Variants in ERC1 observed in about 807,000 individuals in gnomAD.
ERC1 encodes the protein RAB6 interacting protein 2.
A neutral mutation model predicts 132.0 loss-of-function variants in ERC1; 56 were observed. The ratio of observed to expected loss-of-function variants is 0.42; its 90% confidence interval spans 0.34 to 0.53. ERC1 has a LOEUF of 0.53. Among genes scored for constraint, ERC1 ranks in the 20% least tolerant of loss-of-function variants. The pLI is 0.03. For missense variants in ERC1, 1,202 were observed against 1,349.9 expected (o/e 0.89, Z 1.72); for synonymous variants, 478 against 476.1 (o/e 1.00, Z -0.05).
At chr12:1,010,510 ATTTTT>A (rs71055123) in intron 1 of ERC1, among the ~76,000 whole-genome samples, 1 of 118,382 alleles carries the variant, frequency 8.4e-6, no homozygotes, top group Admixed American at 8.9e-5. Context: ...AGGAAATATG[ATTTTT>A]TTTTTTTTTT....
chr12:1,369,722 T>C (rs1296094370), intron 15 of ERC1, among the ~76,000 whole-genome samples: 2 of 152,174 alleles, frequency 1.3e-5, no homozygotes, highest in Non-Finnish European at 2.9e-5. Flanking sequence ...ATATTTAGAC[T>C]GTCATTATCC....
chr12:1,406,698 T>C (rs1325526908), intron 16 of ERC1, among the ~76,000 whole-genome samples: 1 of 152,164 alleles, frequency 6.6e-6, no homozygotes, highest in African/African-American at 2.4e-5. Flanking sequence ...AGTGAGACCC[T>C]GTCTCTACAA....
intron 7 of ERC1, among the ~76,000 whole-genome samples, chr12:1,125,885 G>A (rs1948109005): frequency 6.6e-6 from 1 of 152,164 alleles, no homozygotes; most frequent in African/African-American, 2.4e-5. Context: ...TTTGTAAGGA[G>A]GAGTTACAAA....
At chr12:1,392,238 G>A (rs1273073453) in intron 16 of ERC1, among the ~76,000 whole-genome samples, 1 of 152,186 alleles carries the variant, frequency 6.6e-6, no homozygotes, top group Non-Finnish European at 1.5e-5. Context: ...CTCAACAGGA[G>A]TTGCTGAAGA....
intron 3 of ERC1, among the ~76,000 whole-genome samples, chr12:1,094,497 G>T (rs766757107): frequency 6.8e-6 from 1 of 146,900 alleles, no homozygotes; most frequent in African/African-American, 2.5e-5. Flanking sequence ...CTCAACCTCC[G>T]CCACCTGGGT....
intron 8 of ERC1, among the ~76,000 whole-genome samples, chr12:1,163,682 GC>G (rs1358333787): frequency 2.0e-5 from 3 of 151,966 alleles, no homozygotes; most frequent in Non-Finnish European, 4.4e-5. Flanking sequence ...TTGCTCCTTA[GC>G]CTCTGTCTAC....
intron 14 of ERC1, among the ~76,000 whole-genome samples, chr12:1,284,817 CT>C (rs1234398027): frequency 1.3e-5 from 2 of 152,100 alleles, no homozygotes; most frequent in African/African-American, 2.4e-5. Context: ...ACTATCGTGC[CT>C]GGCTAATTTT....
chr12:1,444,548 T>C lies in ERC1; in HGVS notation c.3025-14T>C, dbSNP rs1181765136. ...CCTCATTTTATTTTATTTTATTTTA[T>C]TTTTTTGCCTTAGATCATCCAGCCC... On this transcript the variant is annotated splice_polypyrimidine_tract_variant and intron_variant, in intron 17 of 18. Transcript: ENST00000360905. 1 of 1,546,512 alleles carries C rather than the reference T, an allele frequency of 6.5e-7. No homozygotes were observed. The highest frequency in any genetic ancestry group is 8.8e-7 in the Non-Finnish European group (1 of 1,137,078).
chr12:1,332,758 A>G (rs954567158), intron 15 of ERC1, among the ~76,000 whole-genome samples: 2 of 152,228 alleles, frequency 1.3e-5, no homozygotes. Flanking sequence ...TATCATAGAA[A>G]AGATCATTTC....
At chr12:1,139,935 T>C (rs1330206229) in intron 7 of ERC1, among the ~76,000 whole-genome samples, 1 of 152,192 alleles carries the variant, frequency 6.6e-6, no homozygotes, top group Non-Finnish European at 1.5e-5. Flanking sequence ...CAGGTAGATC[T>C]TTCCAGATTA....
chr12:1,083,498 G>T lies in ERC1; in HGVS notation c.1004G>T (p.Arg335Leu). 1.2e-6 allele frequency: 2 copies of T among 1,614,054 alleles called. No homozygotes were observed. The highest frequency in any genetic ancestry group is 2.2e-5 in the South Asian group (2 of 91,022). Reference sequence around the variant, plus strand: ...GAGGAAGACCATGAGAGAACAAGACGACTGGCAGAGGCAGAGATGCACGTT... The same window carrying T: ...GAGGAAGACCATGAGAGAACAAGACTACTGGCAGAGGCAGAGATGCACGTT... ...ATEEDHERTR[R>L]LAEAEMHVHH... is the part of the protein sequence containing the mutation. The change falls in exon 3 of 19, where the codon CGA becomes CTA. Residue 335 changes from arginine to leucine, a missense_variant. Coordinates refer to ENST00000360905, the MANE Select transcript of ERC1 (RefSeq NM_178040.4).
rs1386372767 is a variant in ERC1, at chr12:1,110,251, G to A, written c.1221G>A (p.Met407Ile). The A allele has an allele frequency of 6.2e-7, 1 of 1,613,674 alleles. No homozygotes were observed. The highest frequency in any genetic ancestry group is 8.5e-7 in the Non-Finnish European group (1 of 1,179,748). Residue 407 changes from methionine (M) to isoleucine (I), a missense_variant, in exon 5 of 19, where the codon ATG becomes ATA. Physicochemically the swap from Met to Ile is conservative, Grantham distance 10. Transcript: ENST00000360905. ...GLRDLEEEIQ[M>I]LKSNGALSTE... ...GAGACCTGGAAGAGGAAATTCAGAT[G>A]CTGAAATCGAATGGTGCTTTGAGTA... is the stretch of plus-strand genomic sequence containing the variant.
chr12:1,423,509 AGT>A (rs2092505247), intron 17 of ERC1, among the ~76,000 whole-genome samples: 1 of 152,192 alleles, frequency 6.6e-6, no homozygotes, highest in Non-Finnish European at 1.5e-5. Flanking sequence ...GATCCATCTT[AGT>A]GAACATAACT....
intron 12 of ERC1, among the ~76,000 whole-genome samples, chr12:1,212,854 C>CCGGGT (rs2154291347): frequency 6.6e-6 from 1 of 152,280 alleles, no homozygotes; most frequent in East Asian, 1.9e-4. Flanking sequence ...CTCTGGGGAC[C>CCGGGT]CCTTCCTACC....
intron 18 of ERC1, among the ~76,000 whole-genome samples, chr12:1,452,680 A>G (rs1220256836): frequency 6.6e-6 from 1 of 152,170 alleles, no homozygotes; most frequent in African/African-American, 2.4e-5. Context: ...TGGATAATTT[A>G]TATTGATCTA....
At chr12:1,160,221 G>A (rs1034912551) in intron 8 of ERC1, among the ~76,000 whole-genome samples, 6 of 152,088 alleles carry the variant, frequency 3.9e-5, no homozygotes, top group East Asian at 1.9e-4. Flanking sequence ...GTATACTTTC[G>A]TATAGACAAT....
chr12:1,014,681 G>GT (rs960311722), intron 1 of ERC1, among the ~76,000 whole-genome samples: 4 of 151,694 alleles, frequency 2.6e-5, no homozygotes, highest in East Asian at 1.9e-4. Context: ...CTGTAACCTG[G>GT]TTTTTTTCCC....
chr12:1,002,165 T>A (rs1962491605), intron 1 of ERC1, among the ~76,000 whole-genome samples: 1 of 76,888 alleles, frequency 1.3e-5, no homozygotes, highest in Non-Finnish European at 2.5e-5. Flanking sequence ...CCCGGCTTTT[T>A]TTTTTTTTTT....
At chr12:1,411,550 G>A (rs1009901844) in intron 17 of ERC1, among the ~76,000 whole-genome samples, 1 of 152,100 alleles carries the variant, frequency 6.6e-6, no homozygotes, top group Non-Finnish European at 1.5e-5. Flanking sequence ...AAACGCACTG[G>A]GTCAACCAGA....
Sources: allele counts gnomAD v4.1 joint callset (sites outside exome capture counted in the v4.1 genomes callset), GRCh38; gene constraint gnomAD v4.1.1; transcripts MANE v1.5; gene names NCBI Gene and HGNC (gene_info 2026-07-23, HGNC 2026-07-21).